The following NEK4 variants were observed in gnomAD, a reference collection of about 807,000 sequenced individuals.
NEK4 encodes NIMA related kinase 4, also known as serine/threonine-protein kinase Nek4.
NEK4 carries 86 observed loss-of-function variants against 98.4 expected under a neutral mutation model. The ratio of observed to expected loss-of-function variants is 0.87; its 90% confidence interval spans 0.73 to 1.05. The LOEUF is 1.05. NEK4 is among the 50% of genes least tolerant of loss of function. The pLI, the probability that NEK4 is intolerant of heterozygous loss-of-function variation, is 0.00. For missense variants in NEK4, 898 were observed against 950.3 expected, an observed-to-expected ratio of 0.94 and a Z score of 0.72; for synonymous variants, 328 against 342.2, an observed-to-expected ratio of 0.96 and a Z score of 0.46.
chr3:52,770,631 T>G, intron 1 of NEK4, 23 bp downstream of exon 1: 66 of 1,496,018 alleles, frequency 4.4e-5, no homozygotes, highest in Non-Finnish European at 5.3e-5. Flanking sequence ...CCCCGCCCCT[T>G]GCCGGGCCCC....
intron 15 of NEK4, among the ~76,000 whole-genome samples, chr3:52,727,860 C>T (rs2097365999): frequency 6.6e-6 from 1 of 152,030 alleles, no homozygotes; most frequent in Admixed American, 6.5e-5. Context: ...AAATAAAAAA[C>T]AATATACTGA....
At position 52,760,790 on chromosome 3, in the gene NEK4, C is replaced by T. The variant is rs374376871; in HGVS notation, c.963+5G>A. 9.4e-6 allele frequency: 15 copies of T among 1,594,848 alleles called. No homozygotes were observed. Among genetic ancestry groups the T allele is most frequent in the African/African-American group, 4.1e-5 (3 of 73,832 alleles). On this transcript the variant is annotated splice_donor_5th_base_variant and intron_variant, in intron 6 of 15. Transcript: ENST00000233027. ...AAAACACATACCCTTTAAAAAGAAACGTACCATTATATATGTCTGGGAGCC... is the reference window on the plus strand; with the variant it reads ...AAAACACATACCCTTTAAAAAGAAATGTACCATTATATATGTCTGGGAGCC...
chr3:52,765,457 A>AT (rs1253548733), intron 4 of NEK4, among the ~76,000 whole-genome samples: 3 of 152,086 alleles, frequency 2.0e-5, no homozygotes, highest in Admixed American at 1.3e-4. Flanking sequence ...TCTGGAGTCT[A>AT]TATCAGACAC....
rs71087016 is a variant in NEK4, at chr3:52,752,900, C to CAAAAAAAAAAAAAAAAAAAA, written c.964-565_964-564insTTTTTTTTTTTTTTTTTTTT. 2.6e-4 allele frequency among the ~76,000 whole-genome samples: 13 copies of CAAAAAAAAAAAAAAAAAAAA among 49,924 alleles called. 1 individual carries two copies. The highest frequency in any genetic ancestry group is 1.1e-3 in the East Asian group (2 of 1,878). 32.8% of individuals were successfully genotyped at this position (49,924 alleles called of 152,430 possible). On this transcript the variant is annotated intron_variant, in intron 6 of 15. Transcript: ENST00000233027. ...GGGCAACAGGAGTGAAACCCTGCCT[C>CAAAAAAAAAAAAAAAAAAAA]AAAAAAAAAAAAAAAAAATATATAT...
intron 10 of NEK4, among the ~76,000 whole-genome samples, chr3:52,745,093 G>C (rs189493666): frequency 1.3e-5 from 2 of 151,862 alleles, no homozygotes; most frequent in Admixed American, 1.3e-4. Flanking sequence ...TTTTATTTTT[G>C]TATTTTTAGT....
intron 15 of NEK4, among the ~76,000 whole-genome samples, chr3:52,717,463 G>C (rs1434833882): frequency 6.6e-6 from 1 of 150,942 alleles, no homozygotes; most frequent in Non-Finnish European, 1.5e-5. Context: ...AGACCATAAA[G>C]TGAAGATTCC....
chr3:52,770,905 G>A lies in NEK4; in HGVS notation c.-159C>T, dbSNP rs544884458. The A allele has an allele frequency of 1.9e-5, 12 of 629,288 alleles. No individual in the cohort carries two copies. The East Asian group carries it at 2.5e-4, about 13-fold the overall frequency. The allele number at this position is 629,288 out of a possible 1,614,324, so 39.0% of individuals were successfully genotyped here. ...TTGCTGGGGCCCGGCCCGCGACGAC[G>A]CCGCTGCCATAGCGATCCGGGCCGG... is the stretch of plus-strand genomic sequence containing the variant. On this transcript the variant is annotated 5_prime_UTR_variant, in exon 1 of 16. Transcript: ENST00000233027.
rs1237485089 is a variant in NEK4 at position 52,768,562 on chromosome 3, C to T, written c.136G>A (p.Glu46Lys). Residue 46 changes from glutamate (E) to lysine (K), a missense_variant, in exon 2 of 16, where the codon GAG becomes AAG. By Grantham distance (56) the Glu-to-Lys change is moderately conservative. Coordinates refer to ENST00000233027, the MANE Select transcript of NEK4 (RefSeq NM_003157.6). ...GCTTCCTGTTCAGCAGCTCGCCGCTCTCGGCTAGAGGCATTTCGGAGGTTC... is the reference window on the plus strand; with the variant it reads ...GCTTCCTGTTCAGCAGCTCGCCGCTTTCGGCTAGAGGCATTTCGGAGGTTC... The part of the protein sequence containing the change: ...KLNLRNASSR[E>K]RRAAEQEAQL... 5.6e-6 allele frequency: 9 copies of T among 1,614,098 alleles called. 1 individual carries two copies. The highest frequency in any genetic ancestry group is 3.3e-4 in the Middle Eastern group (2 of 6,084).
chr3:52,744,924 C>CT (rs528760807), intron 10 of NEK4, among the ~76,000 whole-genome samples: 140 of 150,290 alleles, frequency 9.3e-4, no homozygotes, highest in Middle Eastern at 6.8e-3. Context: ...TACTTGGTTT[C>CT]TTTTTTTTTG....
At chr3:52,726,502 G>C (rs2097364703) in intron 15 of NEK4, among the ~76,000 whole-genome samples, 1 of 151,802 alleles carries the variant, frequency 6.6e-6, no homozygotes, top group Admixed American at 6.6e-5. Context: ...GGGAGGCTGA[G>C]GCAGGAGAAT....
chr3:52,752,444 A>G (rs2097406895), intron 6 of NEK4, 108 bp from the exon 7 acceptor site: 3 of 1,060,656 alleles, frequency 2.8e-6, no homozygotes, highest in South Asian at 1.6e-5. Context: ...TAGAATTAAC[A>G]TATGACTCAG....
intron 6 of NEK4, among the ~76,000 whole-genome samples, chr3:52,753,136 T>C (rs1048728819): frequency 4.0e-5 from 6 of 151,718 alleles, no homozygotes; most frequent in Admixed American, 1.3e-4. Context: ...ACCCCATTTC[T>C]ATAAAAAATA....
chr3:52,767,155 G>A (rs1488726799), intron 2 of NEK4, among the ~76,000 whole-genome samples: 1 of 151,664 alleles, frequency 6.6e-6, no homozygotes, highest in Non-Finnish European at 1.5e-5. Flanking sequence ...GCATGGTGAC[G>A]CACGCCTATA....
chr3:52,752,299 GC>G lies in NEK4; in HGVS notation c.1000del (p.Ala334ProfsTer5). ...GKCLSQEKPRASGLLKSPASL... is the reference protein window; with the variant it reads ...GKCLSQEKPRXSGLLKSPASL... ...GGCAGGTGACTTCAAGAGACCAGAG[GC>G]CCTGGGTTTCTCCTGGGACAAACAT... On this transcript the variant is annotated frameshift_variant, in exon 7 of 16. Coordinates refer to ENST00000233027, the MANE Select transcript of NEK4 (RefSeq NM_003157.6). LOFTEE classifies it high-confidence loss of function. 1 of 1,614,070 alleles carries G rather than the reference GC, an allele frequency of 6.2e-7. No homozygotes were observed. The highest frequency in any genetic ancestry group is 8.5e-7 in the Non-Finnish European group (1 of 1,179,952).
In NEK4 at chr3:52,730,473, G is replaced by C. The variant is rs991030226; in HGVS notation, c.2433+7113C>G. The stretch of plus-strand genomic sequence containing the variant: ...AATGCCCTGGTGCTGGGGCCAGACA[G>C]GGACACTACAGGAAAAGAGAAATGC... On this transcript the variant is annotated intron_variant, in intron 15 of 15. Coordinates refer to ENST00000233027, the MANE Select transcript of NEK4 (RefSeq NM_003157.6). 5.9e-5 allele frequency among the ~76,000 whole-genome samples: 9 copies of C among 152,194 alleles called. No homozygotes were observed. In the South Asian group the frequency reaches 1.2e-3, roughly 21 times the overall value.
chr3:52,736,070 T>C (rs1482546800), intron 15 of NEK4, among the ~76,000 whole-genome samples: 1 of 152,208 alleles, frequency 6.6e-6, no homozygotes, highest in Non-Finnish European at 1.5e-5. Context: ...TTCCGTGGCA[T>C]ATTTACTCTT....
intron 15 of NEK4, among the ~76,000 whole-genome samples, chr3:52,730,108 AAAAT>A (rs1311339657): frequency 6.6e-6 from 1 of 152,228 alleles, no homozygotes; most frequent in Non-Finnish European, 1.5e-5. Flanking sequence ...CTCTATCTCA[AAAAT>A]AAATAAATAA....
At chr3:52,767,030 G>A (rs1195559088) in intron 2 of NEK4, among the ~76,000 whole-genome samples, 3 of 151,950 alleles carry the variant, frequency 2.0e-5, no homozygotes, top group Admixed American at 6.6e-5. Flanking sequence ...CAGGCGCAGT[G>A]TTCAGCAGTT....
In NEK4 at chr3:52,743,194, GACTATTATTT is replaced by G; in HGVS notation, c.2004+148_2004+157del. On this transcript the variant is annotated intron_variant, in intron 12 of 15. Transcript: ENST00000233027. ...TTAATGGGTCAATCATAATCCTTTT[GACTATTATTT>G]ACCAGTTCCTTTCTTTATCAAGAGT... 1.1e-5 allele frequency: 7 copies of G among 630,042 alleles called. No individual in the cohort carries two copies. The South Asian group carries it at 1.2e-4, about 11-fold the overall frequency. 39.0% of individuals were successfully genotyped at this position (630,042 alleles called of 1,614,324 possible). A position where few individuals can be genotyped will look rare whatever the true frequency, so the allele number is the denominator to read the frequency against.
Sources: allele counts gnomAD v4.1 joint callset (sites outside exome capture counted in the v4.1 genomes callset), GRCh38; gene constraint gnomAD v4.1.1; transcripts MANE v1.5; gene names NCBI Gene and HGNC (gene_info 2026-07-23, HGNC 2026-07-21).